Variants in ZNF322 observed in about 807,000 individuals in gnomAD.
The protein encoded by ZNF322 is HLA complex group 12.
In ZNF322, 1 loss-of-function variant was observed where a neutral mutation model predicts 18.3. The observed-to-expected ratio is 0.05, with a 90% CI of 0.02 to 0.26. The LOEUF is 0.26. ZNF322 is among the 10% of genes least tolerant of loss of function. The probability of loss-of-function intolerance (pLI) is 1.00; values close to 1 mark genes in which losing one functional copy is unlikely to be tolerated. For missense variants in ZNF322, 36 were observed against 403.6 expected (o/e 0.09, Z 7.80); for synonymous variants, 17 against 130.7 (o/e 0.13, Z 5.93).
chr6:26,645,731 T>C (rs1050200490), intron 2 of ZNF322, among the ~76,000 whole-genome samples: 21 of 152,028 alleles, frequency 1.4e-4, no homozygotes, highest in Non-Finnish European at 2.6e-4. Flanking sequence ...ACTAAAGGCA[T>C]TAAAAAAGAT....
chr6:26,644,088 C>CA (rs1765513491), intron 2 of ZNF322, among the ~76,000 whole-genome samples: 1 of 152,194 alleles, frequency 6.6e-6, no homozygotes, highest in African/African-American at 2.4e-5. Flanking sequence ...ATAGGGACTA[C>CA]AAAGTATTTT....
At chr6:26,648,647 G>T (rs1301131852) in intron 2 of ZNF322, among the ~76,000 whole-genome samples, 1 of 152,146 alleles carries the variant, frequency 6.6e-6, no homozygotes, top group Non-Finnish European at 1.5e-5. Flanking sequence ...TAAATATAAA[G>T]AATAACTAAT....
chr6:26,655,777 T>C (rs1206844366), intron 2 of ZNF322, among the ~76,000 whole-genome samples: 1 of 152,136 alleles, frequency 6.6e-6, no homozygotes, highest in Admixed American at 6.5e-5. Flanking sequence ...AAAGATGAGT[T>C]TGGTCCCTTT....
intron 2 of ZNF322, among the ~76,000 whole-genome samples, chr6:26,648,626 A>C (rs1765596980): frequency 6.6e-6 from 1 of 152,238 alleles, no homozygotes; most frequent in Non-Finnish European, 1.5e-5. Context: ...AGAAACCACC[A>C]GTTTTTTACA....
Position 26,651,392 on chromosome 6 carries a change from C to T in ZNF322, c.-246+7166G>A, listed in dbSNP as rs369197659. The T allele has an allele frequency of 1.5e-4, 23 of 152,008 alleles. 1 individual carries two copies. Among genetic ancestry groups the T allele is most frequent in the East Asian group, 1.4e-3 (7 of 5,164 alleles). 9.4% of individuals were successfully genotyped at this position (152,008 alleles called of 1,614,324 possible). A position where few individuals can be genotyped will look rare whatever the true frequency, so the allele number is the denominator to read the frequency against. On this transcript the variant is annotated intron_variant, in intron 2 of 3. Coordinates refer to ENST00000415922, the MANE Select transcript of ZNF322 (RefSeq NM_024639.5). Reference sequence around the variant, plus strand: ...ACATATGGAGTATAAAACAGTCTAACTGATAGAAACAGATGGTAAAATGGT... The same window carrying T: ...ACATATGGAGTATAAAACAGTCTAATTGATAGAAACAGATGGTAAAATGGT...
chr6:26,643,313 T>G (rs185392358), intron 3 of ZNF322, among the ~76,000 whole-genome samples: 1 of 152,382 alleles, frequency 6.6e-6, no homozygotes, highest in Admixed American at 6.5e-5. Flanking sequence ...GTGAATAGTC[T>G]TCATGCCCCA....
chr6:26,648,477 G>A (rs1765594404), intron 2 of ZNF322, among the ~76,000 whole-genome samples: 1 of 152,064 alleles, frequency 6.6e-6, no homozygotes, highest in African/African-American at 2.4e-5. Context: ...ATCAATTAGA[G>A]GTGTGAAAGA....
intron 2 of ZNF322, among the ~76,000 whole-genome samples, chr6:26,647,386 T>C (rs1554148807): frequency 6.6e-6 from 1 of 152,116 alleles, no homozygotes; most frequent in Non-Finnish European, 1.5e-5. Context: ...AAATCATACT[T>C]ATTTTGTAAA....
intron 2 of ZNF322, chr6:26,651,441 C>CAG (rs2113671984): frequency 6.6e-6 from 1 of 152,118 alleles, no homozygotes; most frequent in Non-Finnish European, 1.5e-5. Context: ...TGAGACATAG[C>CAG]AGGGTTGGGA....
chr6:26,644,490 A>T (rs1379939852), intron 2 of ZNF322, among the ~76,000 whole-genome samples: 1 of 152,206 alleles, frequency 6.6e-6, no homozygotes, highest in Non-Finnish European at 1.5e-5. Flanking sequence ...TCCAGGTAAG[A>T]TGGAGTAAAT....
chr6:26,658,857 C>A (rs188809085), intron 1 of ZNF322: 2 of 152,184 alleles, frequency 1.3e-5, no homozygotes, highest in Non-Finnish European at 1.5e-5. Context: ...CAGCTCTAGA[C>A]AAAATGTCAA....
chr6:26,647,765 C>T (rs1183764953), intron 2 of ZNF322, among the ~76,000 whole-genome samples: 2 of 152,064 alleles, frequency 1.3e-5, no homozygotes, highest in South Asian at 2.1e-4. Flanking sequence ...TACATATTTT[C>T]CAGAGCACCG....
intron 2 of ZNF322, among the ~76,000 whole-genome samples, chr6:26,654,443 T>C (rs1434262283): frequency 6.6e-6 from 1 of 152,062 alleles, no homozygotes; most frequent in Admixed American, 6.5e-5. Flanking sequence ...TTTCCACGGT[T>C]TGGAAAGTAT....
At chr6:26,639,536 AC>A (rs1349350408) in intron 3 of ZNF322, among the ~76,000 whole-genome samples, 1 of 152,208 alleles carries the variant, frequency 6.6e-6, no homozygotes, top group Non-Finnish European at 1.5e-5. Context: ...ATGTACACAT[AC>A]AGAAACACCT....
At position 26,636,176 on chromosome 6, in the gene ZNF322, GC is replaced by G. The variant is rs1765348204; in HGVS notation, c.*1168del. 1 of 145,592 alleles carries G rather than the reference GC, an allele frequency of 6.9e-6. No individual in the cohort carries two copies. Among genetic ancestry groups the G allele is most frequent in the Non-Finnish European group, 1.5e-5 (1 of 66,498 alleles). 9.0% of individuals were successfully genotyped at this position (145,592 alleles called of 1,614,324 possible). Reference sequence around the variant, plus strand: ...TTCATTTCACTGCCAGCAAAAGGCTGCCATGTTACTATCAACACTCTAGTCC... The same window carrying G: ...TTCATTTCACTGCCAGCAAAAGGCTGCATGTTACTATCAACACTCTAGTCC... On this transcript the variant is annotated 3_prime_UTR_variant, in exon 4 of 4. Transcript: ENST00000415922.
At chr6:26,656,735 A>G (rs1554149729) in intron 2 of ZNF322, among the ~76,000 whole-genome samples, 3 of 152,152 alleles carry the variant, frequency 2.0e-5, no homozygotes, top group African/African-American at 4.8e-5. Context: ...GAGTGAAAAT[A>G]AAGGATTCTT....
intron 2 of ZNF322, among the ~76,000 whole-genome samples, chr6:26,657,643 C>T (rs782303866): frequency 6.6e-6 from 1 of 152,108 alleles, no homozygotes; most frequent in Non-Finnish European, 1.5e-5. Context: ...AGGGTTAGGA[C>T]TTAGTCTTTT....
intron 2 of ZNF322, among the ~76,000 whole-genome samples, chr6:26,648,040 G>C (rs1018926465): frequency 6.6e-6 from 1 of 151,926 alleles, no homozygotes. Context: ...ACCATGCCTG[G>C]CTAACATTTT....
In ZNF322 at chr6:26,634,570, G is replaced by T. The variant is rs41267939; in HGVS notation, c.*2775C>A. 7.1e-4 allele frequency: 90 copies of T among 127,406 alleles called. No homozygotes were observed. The highest frequency in any genetic ancestry group is 1.3e-3 in the Non-Finnish European group (77 of 61,296). 7.9% of individuals were successfully genotyped at this position (127,406 alleles called of 1,614,324 possible). A position where few individuals can be genotyped will look rare whatever the true frequency, so the allele number is the denominator to read the frequency against. ...AAGGGAACCTCCGTCCATCCCAGAA[G>T]TTACCTTCTAGTTTTGGTTACAGGC... is the stretch of plus-strand genomic sequence containing the variant. On this transcript the variant is annotated 3_prime_UTR_variant, in exon 4 of 4. Transcript: ENST00000415922.
Sources: gnomAD v4.1 joint callset for allele counts (sites outside exome capture counted in the v4.1 genomes callset) on GRCh38, gnomAD v4.1.1 for gene constraint, MANE v1.5 for transcripts, NCBI Gene and HGNC (gene_info 2026-07-23, HGNC 2026-07-21) for gene names.